DAB1: variants seen among roughly 807,000 people sequenced by gnomAD.
DAB1 encodes the protein disabled homolog 1.
A neutral mutation model predicts 64.6 loss-of-function variants in DAB1; 15 were observed. The ratio of observed to expected loss-of-function variants is 0.23; its 90% CI spans 0.16 to 0.36. DAB1 has a LOEUF of 0.36. Ranked by LOEUF, DAB1 falls within the 10% of genes least tolerant of loss-of-function variation. The probability of loss-of-function intolerance (pLI) is 1.00; values close to 1 mark genes in which losing one functional copy is unlikely to be tolerated. For missense variants in DAB1, 596 were observed against 706.7 expected (o/e 0.84, Z 1.78); for synonymous variants, 235 against 251.9 (o/e 0.93, Z 0.64).
rs767540988 is a variant in DAB1, at chr1:57,695,356, A to G, written n.552-45691T>C. Among the ~76,000 whole-genome samples, 159 of 25,140 alleles carry G rather than the reference A, an allele frequency of 6.3e-3. 4 individuals are homozygous for G. Among genetic ancestry groups the G allele is most frequent in the African/African-American group, 0.015 (140 of 9,230 alleles). 16.5% of individuals were successfully genotyped at this position (25,140 alleles called of 152,430 possible). On this transcript the variant is annotated intron_variant and non_coding_transcript_variant, in intron 6 of 20. Coordinates refer to the DAB1 transcript ENST00000485760. ...AGAAAGAAAGAAAGAAAGAAAGAAA[A>G]GAAAGAAGAAAGAAAGAAAGAAAGA...
In DAB1 at chr1:57,207,446, C is replaced by CTTTTTTTTTTTTTTTTTTTTTTTTTTTT. The variant is rs772989513; in HGVS notation, c.68-62018_68-62017insAAAAAAAAAAAAAAAAAAAAAAAAAAAA. ...CTGTAATTCATACCTTATTTCCTTTCTTTTTTTTTTTTTTTGAGATGGAGT... is the reference window on the plus strand; with the variant it reads ...CTGTAATTCATACCTTATTTCCTTTCTTTTTTTTTTTTTTTTTTTTTTTTTTTTTTTTTTTTTTTTTTTGAGATGGAGT... On this transcript the variant is annotated intron_variant, in intron 2 of 14. Transcript: ENST00000371236. Among the ~76,000 whole-genome samples, 7 of 98,454 alleles carry CTTTTTTTTTTTTTTTTTTTTTTTTTTTT rather than the reference C, an allele frequency of 7.1e-5. 2 individuals carry two copies. The highest frequency in any genetic ancestry group is 2.4e-4 in the Admixed American group (2 of 8,254). The allele number at this position is 98,454 out of a possible 152,430, so 64.6% of individuals were successfully genotyped here.
At chr1:57,916,695 T>C (rs144607587) in intron 5 of DAB1, among the ~76,000 whole-genome samples, 23,319 of 152,186 alleles carry the variant, frequency 0.15, 2,004 homozygotes, top group Middle Eastern at 0.32. Flanking sequence ...CCCAACACTT[T>C]GGGAGGCCAA....
chr1:58,328,208 G>A (rs1662881750), intron 4 of DAB1, among the ~76,000 whole-genome samples: 1 of 152,096 alleles, frequency 6.6e-6, no homozygotes, highest in Non-Finnish European at 1.5e-5. Flanking sequence ...CTTGCACCCT[G>A]CAATTCATCC....
At chr1:57,742,146 T>C (rs1648030098) in intron 6 of DAB1, among the ~76,000 whole-genome samples, 1 of 151,874 alleles carries the variant, frequency 6.6e-6, no homozygotes, top group African/African-American at 2.4e-5. Context: ...AATACAAGGA[T>C]TTTTTTTGGG....
chr1:57,047,541 A>C (rs937560600), intron 9 of DAB1, among the ~76,000 whole-genome samples: 3 of 152,144 alleles, frequency 2.0e-5, no homozygotes, highest in African/African-American at 7.2e-5. Context: ...GAAGGGCCGC[A>C]TGAGGACATA....
At chr1:57,044,080 G>A (rs1191144513) in intron 9 of DAB1, among the ~76,000 whole-genome samples, 1 of 152,138 alleles carries the variant, frequency 6.6e-6, no homozygotes, top group Non-Finnish European at 1.5e-5. Flanking sequence ...TCATCTGATT[G>A]GTTCCTTCTC....
intron 4 of DAB1, among the ~76,000 whole-genome samples, chr1:58,329,476 C>T (rs1557732754): frequency 2.6e-5 from 4 of 152,134 alleles, no homozygotes; most frequent in Non-Finnish European, 4.4e-5. Flanking sequence ...TGTAATCTCA[C>T]TTGTGTTATA....
At chr1:57,733,605 A>G (rs1009601723) in intron 6 of DAB1, among the ~76,000 whole-genome samples, 3 of 152,178 alleles carry the variant, frequency 2.0e-5, no homozygotes, top group African/African-American at 7.2e-5. Context: ...AAATATGTCC[A>G]GGGATCTGCC....
At chr1:57,857,428 T>A (rs1014241858) in intron 1 of DAB1, among the ~76,000 whole-genome samples, 1 of 152,046 alleles carries the variant, frequency 6.6e-6, no homozygotes, top group African/African-American at 2.4e-5. Context: ...ATGATGATGG[T>A]GATGATGGGG....
At chr1:58,141,191 C>T (rs939142534) in intron 5 of DAB1, among the ~76,000 whole-genome samples, 1 of 152,040 alleles carries the variant, frequency 6.6e-6, no homozygotes, top group Admixed American at 6.6e-5. Flanking sequence ...AGGACATACC[C>T]GAGACTGGGT....
intron 5 of DAB1, among the ~76,000 whole-genome samples, chr1:58,008,602 C>G (rs1483774770): frequency 6.6e-6 from 1 of 152,042 alleles, no homozygotes; most frequent in Non-Finnish European, 1.5e-5. Context: ...GTGAATAAAG[C>G]TAGATAAAAA....
intron 2 of DAB1, among the ~76,000 whole-genome samples, chr1:57,280,822 T>C (rs572236688): frequency 2.0e-5 from 3 of 152,248 alleles, no homozygotes; most frequent in Non-Finnish European, 4.4e-5. Context: ...TTTTTTTAAA[T>C]TTTTTTTCTC....
intron 4 of DAB1, among the ~76,000 whole-genome samples, chr1:58,154,892 A>G (rs1440540843): frequency 6.6e-6 from 1 of 152,222 alleles, no homozygotes; most frequent in Non-Finnish European, 1.5e-5. Flanking sequence ...AGTAACTGAG[A>G]GATTAAAAGG....
chr1:58,201,269 G>A (rs1423131041), intron 4 of DAB1, among the ~76,000 whole-genome samples: 1 of 152,036 alleles, frequency 6.6e-6, no homozygotes, highest in Admixed American at 6.6e-5. Context: ...GCCTGCCTTG[G>A]CCTCCCAAAA....
intron 1 of DAB1, among the ~76,000 whole-genome samples, chr1:57,301,303 G>T (rs1001578203): frequency 6.6e-6 from 1 of 152,134 alleles, no homozygotes; most frequent in African/African-American, 2.4e-5. Flanking sequence ...GACCTCAGGT[G>T]CTCATCACAT....
In DAB1 at chr1:58,500,992, TA is replaced by T. The variant is rs1220810527; in HGVS notation, n.257+5067del. Among the ~76,000 whole-genome samples the T allele has an allele frequency of 2.6e-5, 4 of 152,218 alleles. 1 individual carries two copies. Among genetic ancestry groups the T allele is most frequent in the Admixed American group, 2.6e-4 (4 of 15,288 alleles). ...TGTAACTATAATTTTAAAACTGTCA[TA>T]CTATTAAACATCAACAAATTGATAC... is the stretch of plus-strand genomic sequence containing the variant. On this transcript the variant is annotated intron_variant and non_coding_transcript_variant, in intron 3 of 20. Coordinates refer to the DAB1 transcript ENST00000485760.
intron 2 of DAB1, among the ~76,000 whole-genome samples, chr1:57,148,539 G>T (rs1198814584): frequency 2.0e-5 from 3 of 152,174 alleles, no homozygotes; most frequent in Non-Finnish European, 4.4e-5. Context: ...TAAAGGTGTT[G>T]GGAATAGGAT....
At chr1:58,061,964 T>A (rs545905649) in intron 5 of DAB1, among the ~76,000 whole-genome samples, 124 of 152,280 alleles carry the variant, frequency 8.1e-4, no homozygotes, top group African/African-American at 3.0e-3. Flanking sequence ...ATGCCCCTAG[T>A]AGGAATTTAA....
At chr1:58,485,623 A>G (rs1271034956) in intron 3 of DAB1, among the ~76,000 whole-genome samples, 5 of 151,418 alleles carry the variant, frequency 3.3e-5, no homozygotes, top group African/African-American at 1.2e-4. Flanking sequence ...TTTCCTTTCC[A>G]TATTCATTTT....
Sources: gnomAD v4.1 joint callset for allele counts (sites outside exome capture counted in the v4.1 genomes callset) on GRCh38, gnomAD v4.1.1 for gene constraint, MANE v1.5 for transcripts, NCBI Gene and HGNC (gene_info 2026-07-23, HGNC 2026-07-21) for gene names.